PAK3: variants seen among roughly 807,000 people sequenced by gnomAD.
The protein encoded by PAK3 is serine/threonine-protein kinase PAK 3.
In PAK3, 4 loss-of-function variants were observed where a neutral mutation model predicts 41.0. The observed-to-expected ratio is 0.10, with a 90% CI of 0.05 to 0.22. The LOEUF is 0.22. Ranked by LOEUF, PAK3 falls within the 10% of genes least tolerant of loss-of-function variation. The pLI is 1.00. For missense variants in PAK3, 205 were observed against 409.9 expected, an observed-to-expected ratio of 0.50 and a Z score of 4.32; for synonymous variants, 146 against 139.6, an observed-to-expected ratio of 1.05 and a Z score of -0.32.
chrX:110,997,911 G>A (rs956375112), intron 1 of PAK3, among the ~76,000 whole-genome samples: 3 of 111,232 alleles, frequency 2.7e-5, no homozygotes, highest in East Asian at 2.8e-4. Flanking sequence ...AGAAGATGCC[G>A]TCTATGAGAA....
At chrX:111,008,431 T>C (rs1005378686) in intron 1 of PAK3, among the ~76,000 whole-genome samples, 1 of 112,994 alleles carries the variant, frequency 8.9e-6, no homozygotes, top group African/African-American at 3.2e-5. Flanking sequence ...AAGCACACTT[T>C]GCAGCCTCCT....
At chrX:111,076,158 A>G (rs1343406352) in intron 1 of PAK3, among the ~76,000 whole-genome samples, 1 of 111,772 alleles carries the variant, frequency 8.9e-6, no homozygotes, top group Non-Finnish European at 1.9e-5. Flanking sequence ...GTATGAGTTA[A>G]GTCTTGGGGG....
intron 1 of PAK3, among the ~76,000 whole-genome samples, chrX:110,987,876 A>G (rs994866756): frequency 9.0e-6 from 1 of 111,027 alleles, no homozygotes; most frequent in African/African-American, 3.3e-5. Context: ...CCCCTCACAA[A>G]TCACAGCCCT....
chrX:111,141,608 T>C (rs1310554607), intron 5 of PAK3, among the ~76,000 whole-genome samples: 1 of 112,316 alleles, frequency 8.9e-6, no homozygotes, highest in Non-Finnish European at 1.9e-5. Context: ...ATATGGTTAA[T>C]AATAGAAACA....
intron 1 of PAK3, among the ~76,000 whole-genome samples, chrX:110,972,667 T>A (rs2091236314): frequency 8.9e-6 from 1 of 111,839 alleles, no homozygotes; most frequent in South Asian, 3.8e-4. Context: ...TGCAAAGGTT[T>A]GCAGCTCCTC....
chrX:111,128,934 G>T (rs1278084319), intron 5 of PAK3, among the ~76,000 whole-genome samples: 1 of 111,548 alleles, frequency 9.0e-6, no homozygotes, highest in Non-Finnish European at 1.9e-5. Flanking sequence ...ACTTTAAACA[G>T]CTGAAGTTCT....
intron 13 of PAK3, among the ~76,000 whole-genome samples, chrX:111,193,561 G>C (rs1466370321): frequency 9.2e-6 from 1 of 108,939 alleles, no homozygotes; most frequent in African/African-American, 3.3e-5. Flanking sequence ...TGTTGGCCAG[G>C]CTGGTCTCAA....
chrX:111,030,872 G>T (rs2092332385), intron 1 of PAK3, among the ~76,000 whole-genome samples: 1 of 111,720 alleles, frequency 9.0e-6, no homozygotes, highest in Admixed American at 9.6e-5. Flanking sequence ...ACATTTGAAT[G>T]ATGTTAATTC....
intron 1 of PAK3, among the ~76,000 whole-genome samples, chrX:111,071,627 T>C (rs1248841321): frequency 8.9e-6 from 1 of 112,054 alleles, no homozygotes; most frequent in Non-Finnish European, 1.9e-5. Flanking sequence ...GTCTCAAAAA[T>C]AGCAACTCTT....
chrX:110,968,864 T>C (rs184415483), intron 1 of PAK3, among the ~76,000 whole-genome samples: 7 of 110,962 alleles, frequency 6.3e-5, no homozygotes, highest in Non-Finnish European at 1.1e-4. Flanking sequence ...TTTTCTTTCA[T>C]GGATTATACT....
chrX:111,148,170 C>T (rs1301271368), intron 7 of PAK3, among the ~76,000 whole-genome samples: 1 of 111,811 alleles, frequency 8.9e-6, no homozygotes, highest in Non-Finnish European at 1.9e-5. Context: ...GTCATAAAGA[C>T]ACTCAGTCAC....
intron 1 of PAK3, among the ~76,000 whole-genome samples, chrX:111,078,681 G>T (rs2092807979): frequency 9.0e-6 from 1 of 111,036 alleles, no homozygotes; most frequent in Non-Finnish European, 1.9e-5. Flanking sequence ...AGGAAGAGCC[G>T]CATGTCTCTC....
At chrX:111,049,668 A>G (rs187108383) in intron 1 of PAK3, among the ~76,000 whole-genome samples, 28 of 112,548 alleles carry the variant, frequency 2.5e-4, no homozygotes, top group African/African-American at 9.0e-4. Context: ...ACAGAGTATC[A>G]AAACTAGGAC....
intron 1 of PAK3, among the ~76,000 whole-genome samples, chrX:110,982,072 C>G (rs749956727): frequency 9.0e-6 from 1 of 110,916 alleles, no homozygotes; most frequent in South Asian, 3.9e-4. Flanking sequence ...CTTGAGTGAA[C>G]AGAGGACATG....
At chrX:111,093,774 T>C (rs189460737), upstream of PAK3, among the ~76,000 whole-genome samples, 2 of 112,007 alleles carry the variant, frequency 1.8e-5, no homozygotes, top group East Asian at 5.6e-4. Context: ...AATGTTTAAA[T>C]AACCATGTGT....
intron 1 of PAK3, among the ~76,000 whole-genome samples, chrX:110,959,766 G>A (rs923402196): frequency 9.0e-6 from 1 of 111,432 alleles, no homozygotes; most frequent in Non-Finnish European, 1.9e-5. Context: ...GAGCTGAGGG[G>A]TGATAGCCAC....
chrX:111,169,709 G>A (rs1251398014), intron 10 of PAK3, among the ~76,000 whole-genome samples: 1 of 111,512 alleles, frequency 9.0e-6, no homozygotes, highest in Non-Finnish European at 1.9e-5. Context: ...CTGGAACTCT[G>A]ACTTATTCAG....
At chrX:111,068,191 C>A (rs2092714958) in intron 1 of PAK3, among the ~76,000 whole-genome samples, 1 of 111,772 alleles carries the variant, frequency 8.9e-6, no homozygotes, top group Non-Finnish European at 1.9e-5. Flanking sequence ...AGGTTTGACT[C>A]TTAAAAACAG....
At chrX:111,182,679 C>CTA (rs916541278) in intron 11 of PAK3, among the ~76,000 whole-genome samples, 5 of 110,729 alleles carry the variant, frequency 4.5e-5, no homozygotes, top group Non-Finnish European at 9.5e-5. Flanking sequence ...TAGTATCAAA[C>CTA]TATATATATA....
Sources: allele counts gnomAD v4.1 joint callset (sites outside exome capture counted in the v4.1 genomes callset), GRCh38; gene constraint gnomAD v4.1.1; transcripts MANE v1.5; gene names NCBI Gene and HGNC (gene_info 2026-07-23, HGNC 2026-07-21).